The following FREM2 variants were observed in gnomAD, a reference collection of about 807,000 sequenced individuals.
FREM2 encodes FRAS1-related extracellular matrix protein 2.
A neutral mutation model predicts 219.9 loss-of-function variants in FREM2; 119 were observed. The ratio of observed to expected loss-of-function variants is 0.54; its 90% confidence interval spans 0.47 to 0.63. The LOEUF is 0.63. Ranked by LOEUF, FREM2 falls within the 30% of genes least tolerant of loss-of-function variation. FREM2 has a pLI of 0.00. For synonymous variants in FREM2, 1,562 were observed against 1,522.8 expected, an observed-to-expected ratio of 1.03 and a Z score of -0.60; for missense variants, 4,030 against 3,993.6, an observed-to-expected ratio of 1.01 and a Z score of -0.25.
chr13:38,837,367 G>A (rs1247901852), intron 6 of FREM2, among the ~76,000 whole-genome samples: 1 of 152,144 alleles, frequency 6.6e-6, no homozygotes, highest in Admixed American at 6.5e-5. Context: ...CAATTATGTG[G>A]TTGATTTTGG....
At chr13:38,710,974 G>A (rs964689317) in intron 2 of FREM2, among the ~76,000 whole-genome samples, 17 of 152,292 alleles carry the variant, frequency 1.1e-4, no homozygotes, top group Middle Eastern at 3.4e-3. Context: ...TGAAATTGCT[G>A]TCCTTATTTG....
At chr13:38,811,033 A>T (rs1428222638) in intron 6 of FREM2, among the ~76,000 whole-genome samples, 1 of 151,876 alleles carries the variant, frequency 6.6e-6, no homozygotes, top group Non-Finnish European at 1.5e-5. Flanking sequence ...AATCTTGGTA[A>T]ATTAATTTTT....
intron 6 of FREM2, among the ~76,000 whole-genome samples, chr13:38,838,581 T>C (rs1876814038): frequency 6.6e-6 from 1 of 152,214 alleles, no homozygotes; most frequent in South Asian, 2.1e-4. Context: ...ATTCTCCCCA[T>C]CACTTTCAGG....
At chr13:38,867,703 A>G (rs1410049909) in intron 16 of FREM2, among the ~76,000 whole-genome samples, 1 of 152,238 alleles carries the variant, frequency 6.6e-6, no homozygotes, top group Non-Finnish European at 1.5e-5. Flanking sequence ...CCCCAAGTCT[A>G]AACACCAGAG....
At chr13:38,843,848 A>G (rs773716919) in intron 6 of FREM2, among the ~76,000 whole-genome samples, 1 of 151,462 alleles carries the variant, frequency 6.6e-6, no homozygotes, top group Non-Finnish European at 1.5e-5. Flanking sequence ...ATGCTTAACC[A>G]TTTTTTTAAT....
chr13:38,851,706 G>A lies in FREM2; in HGVS notation c.6763G>A (p.Glu2255Lys), dbSNP rs1185209837. The A allele has an allele frequency of 2.5e-6, 4 of 1,611,644 alleles. No individual in the cohort carries two copies. The highest frequency in any genetic ancestry group is 3.4e-6 in the Non-Finnish European group (4 of 1,177,916). The change falls in exon 11 of 24, where the codon GAA (glutamate) becomes AAA (lysine). Residue 2255 changes from glutamate (E) to lysine (K), a missense_variant. Glu to Lys is a moderately conservative substitution (Grantham distance 56). Coordinates refer to ENST00000280481, the MANE Select transcript of FREM2 (RefSeq NM_207361.6). Reference protein sequence around the residue: ...DADKTVIKFGETKFSVTEPKE... With the variant: ...DADKTVIKFGKTKFSVTEPKE... Reference sequence around the variant, plus strand: ...TTTAGAGACTGTTATTAAATTTGGAGAAACCAAATTTAGTGTCACTGAACC... The same window carrying A: ...TTTAGAGACTGTTATTAAATTTGGAAAAACCAAATTTAGTGTCACTGAACC...
chr13:38,724,497 A>G (rs1871430297), intron 2 of FREM2, among the ~76,000 whole-genome samples: 1 of 152,224 alleles, frequency 6.6e-6, no homozygotes, highest in Non-Finnish European at 1.5e-5. Context: ...TATTTACAGA[A>G]CTAAAGATTT....
At position 38,802,723 on chromosome 13, in the gene FREM2, G is replaced by A. The variant is rs61947960; in HGVS notation, c.6019+17915G>A. On this transcript the variant is annotated intron_variant, in intron 6 of 23. Transcript: ENST00000280481. ...ATGGCACCAAGCTGTAGCTGCTGAA[G>A]GCTCAGAAGCCTGTGGTACTCAGCG... 4.1e-3 allele frequency among the ~76,000 whole-genome samples: 630 copies of A among 152,314 alleles called. 1 individual carries two copies. Among genetic ancestry groups the A allele is most frequent in the Non-Finnish European group, 6.9e-3 (467 of 68,024 alleles).
chr13:38,880,499 C>T lies in FREM2; in HGVS notation c.9222C>T (p.Asn3074=). Residue 3074 remains asparagine, a synonymous_variant, in exon 24 of 24, where the codon AAC becomes AAT. Transcript: ENST00000280481. Reference sequence around the variant, plus strand: ...GTGCTGAAAACAGTCGAGGAACAAACATCCAGCACATTGCCCTGGACCGCA... The same window carrying T: ...GTGCTGAAAACAGTCGAGGAACAAATATCCAGCACATTGCCCTGGACCGCA... The part of the protein sequence containing the change: ...EIGAENSRGT[N]IQHIALDRTK... 4 of 1,614,166 alleles carry T rather than the reference C, an allele frequency of 2.5e-6. No individual in the cohort carries two copies. Among genetic ancestry groups the T allele is most frequent in the Non-Finnish European group, 3.4e-6 (4 of 1,180,030 alleles).
intron 2 of FREM2, among the ~76,000 whole-genome samples, chr13:38,754,895 G>GATTATTATT (rs1246110589): frequency 0.066 from 6,583 of 99,298 alleles, 211 homozygotes; most frequent in Non-Finnish European, 0.081. Flanking sequence ...TGATGATGAT[G>GATTATTATT]ATGATGATTA....
intron 2 of FREM2, among the ~76,000 whole-genome samples, chr13:38,742,335 A>C (rs1872281360): frequency 6.6e-6 from 1 of 152,208 alleles, no homozygotes; most frequent in Non-Finnish European, 1.5e-5. Context: ...AGGATTATGA[A>C]AGTGAGAATG....
chr13:38,783,203 G>T lies in FREM2; in HGVS notation c.5767+8G>T. 1 of 1,613,988 alleles carries T rather than the reference G, an allele frequency of 6.2e-7. No homozygotes were observed. The highest frequency in any genetic ancestry group is 1.1e-5 in the South Asian group (1 of 91,074). ...TCTGTTATACCCAACAAGGTAGCTC[G>T]ATTTGCCGAAAAACTAAGATAACCC... On this transcript the variant is annotated splice_region_variant and intron_variant, in intron 5 of 23. Transcript: ENST00000280481.
intron 6 of FREM2, among the ~76,000 whole-genome samples, chr13:38,831,652 C>G (rs980177505): frequency 2.0e-5 from 3 of 150,518 alleles, no homozygotes. Context: ...CTCTGTCGCC[C>G]AAGCTGGAGT....
chr13:38,839,986 T>G (rs1876883908), intron 6 of FREM2, among the ~76,000 whole-genome samples: 1 of 152,074 alleles, frequency 6.6e-6, no homozygotes, highest in Non-Finnish European at 1.5e-5. Flanking sequence ...GCTGGTATTC[T>G]GGGCACCACT....
chr13:38,810,345 C>G (rs1192139195), intron 6 of FREM2, among the ~76,000 whole-genome samples: 1 of 151,984 alleles, frequency 6.6e-6, no homozygotes, highest in African/African-American at 2.4e-5. Context: ...GCTGAGACAT[C>G]CAGTTATATG....
At chr13:38,728,250 G>T (rs536598785) in intron 2 of FREM2, among the ~76,000 whole-genome samples, 1 of 151,764 alleles carries the variant, frequency 6.6e-6, no homozygotes, top group South Asian at 2.1e-4. Flanking sequence ...ACATGTTGTC[G>T]TTGACAGGAC....
At chr13:38,763,795 T>C (rs1873330949) in intron 2 of FREM2, among the ~76,000 whole-genome samples, 1 of 152,128 alleles carries the variant, frequency 6.6e-6, no homozygotes, top group South Asian at 2.1e-4. Context: ...GAGTGGAATA[T>C]AGTGGGGAAG....
At chr13:38,766,088 A>G (rs183356489) in intron 3 of FREM2, among the ~76,000 whole-genome samples, 7 of 152,200 alleles carry the variant, frequency 4.6e-5, no homozygotes, top group African/African-American at 1.7e-4. Context: ...AGGTTTATCT[A>G]TTTTTTACCT....
chr13:38,885,591 A>G lies in FREM2; in HGVS notation c.*4804A>G, dbSNP rs1477221543. The G allele has an allele frequency of 2.0e-5, 3 of 152,138 alleles. No individual in the cohort carries two copies. Among genetic ancestry groups the G allele is most frequent in the African/African-American group, 7.2e-5 (3 of 41,432 alleles). The allele number at this position is 152,138 out of a possible 1,614,324, so 9.4% of individuals were successfully genotyped here. ...ATGCTCTCTTTTTCATTTCAAAACCATTACCACTTTCAATATGTAATTAAC... is the reference window on the plus strand; with the variant it reads ...ATGCTCTCTTTTTCATTTCAAAACCGTTACCACTTTCAATATGTAATTAAC... On this transcript the variant is annotated 3_prime_UTR_variant, in exon 24 of 24. Transcript: ENST00000280481.
Sources: allele counts gnomAD v4.1 joint callset (sites outside exome capture counted in the v4.1 genomes callset), GRCh38; gene constraint gnomAD v4.1.1; transcripts MANE v1.5; gene names NCBI Gene and HGNC (gene_info 2026-07-23, HGNC 2026-07-21).